Variants in NFATC2 observed in about 807,000 individuals in gnomAD.
NFATC2 encodes nuclear factor of activated T cells 2.
In NFATC2, 22 loss-of-function variants were observed where a neutral mutation model predicts 87.3. The observed-to-expected ratio is 0.25, with a 90% CI of 0.18 to 0.36. The LOEUF is 0.36. Among genes scored for constraint, NFATC2 ranks in the 10% least tolerant of loss-of-function variants. The probability of loss-of-function intolerance (pLI) is 1.00; values close to 1 mark genes in which losing one functional copy is unlikely to be tolerated. For synonymous variants in NFATC2, 565 were observed against 542.2 expected (o/e 1.04, Z -0.58); for missense variants, 1,149 against 1,259.1 (o/e 0.91, Z 1.32).
chr20:51,522,262 G>A (rs1600939265), intron 2 of NFATC2, among the ~76,000 whole-genome samples: 2 of 144,860 alleles, frequency 1.4e-5, no homozygotes, highest in Non-Finnish European at 3.0e-5. Flanking sequence ...AGACCACAAA[G>A]GTGCTCAGTA....
chr20:51,440,012 G>A (rs1004148834), intron 6 of NFATC2, among the ~76,000 whole-genome samples: 16 of 152,280 alleles, frequency 1.1e-4, no homozygotes, highest in South Asian at 2.1e-4. Flanking sequence ...CAAGGCGGGC[G>A]GATCACCTGA....
intron 1 of NFATC2, among the ~76,000 whole-genome samples, chr20:51,527,561 C>T (rs1175315697): frequency 1.3e-5 from 2 of 152,142 alleles, no homozygotes; most frequent in Non-Finnish European, 2.9e-5. Flanking sequence ...TCCGCCATGC[C>T]CCTAAGCACT....
intron 5 of NFATC2, among the ~76,000 whole-genome samples, chr20:51,467,072 CAA>C (rs35588474): frequency 7.7e-4 from 61 of 79,692 alleles, no homozygotes; most frequent in African/African-American, 2.1e-3. Flanking sequence ...GACTTAGTCT[CAA>C]AAAAAAAAAA....
At chr20:51,558,083 G>A (rs1284824781) in intron 1 of NFATC2, among the ~76,000 whole-genome samples, 2 of 152,166 alleles carry the variant, frequency 1.3e-5, no homozygotes, top group Non-Finnish European at 2.9e-5. Context: ...GCTCATGCCT[G>A]TAAACTCAGC....
intron 9 of NFATC2, among the ~76,000 whole-genome samples, chr20:51,423,813 G>C (rs1981337284): frequency 6.6e-6 from 1 of 152,192 alleles, no homozygotes; most frequent in African/African-American, 2.4e-5. Context: ...TGCGTGGACA[G>C]CAAGTCTGGG....
At chr20:51,548,443 G>A (rs1225109696) in intron 1 of NFATC2, among the ~76,000 whole-genome samples, 2 of 152,026 alleles carry the variant, frequency 1.3e-5, no homozygotes, top group Non-Finnish European at 2.9e-5. Context: ...TCCCCACAAG[G>A]GCAGGGATAT....
intron 9 of NFATC2, 28 bp from the exon 10 acceptor site, chr20:51,398,758 G>GAGAA (rs1394384518): frequency 6.8e-7 from 1 of 1,476,486 alleles, no homozygotes; most frequent in Non-Finnish European, 9.3e-7. Context: ...AATCATTTTT[G>GAGAA]AGAAGAAAAA....
Position 51,523,299 on chromosome 20 carries a change from C to G in NFATC2, c.942G>C (p.Ser314=). 6.2e-7 allele frequency: 1 copy of G among 1,613,782 alleles called. No individual in the cohort carries two copies. The highest frequency in any genetic ancestry group is 8.5e-7 in the Non-Finnish European group (1 of 1,179,834). Residue 314 remains serine, a synonymous_variant, in exon 2 of 11, where the codon TCG becomes TCC. Transcript: ENST00000371564. The surrounding 1 kb of genome is among the most constrained non-coding windows in gnomAD (Gnocchi z 6.9). ...MDALNSLATD[S]PCGIPPKMWK... ...ACATCTTGGGGGGGATCCCACAAGG[C>G]GAGTCCGTGGCGAGGCTGTTCAGGG...
At chr20:51,413,942 A>G (rs562938229) in intron 9 of NFATC2, among the ~76,000 whole-genome samples, 1 of 152,342 alleles carries the variant, frequency 6.6e-6, no homozygotes, top group South Asian at 2.1e-4. Context: ...AAGTCTTAGA[A>G]GAATGTCTGG....
chr20:51,534,469 G>A (rs940154235), intron 1 of NFATC2, among the ~76,000 whole-genome samples: 7 of 152,294 alleles, frequency 4.6e-5, no homozygotes, highest in African/African-American at 1.4e-4. Context: ...CTAGTAGCTG[G>A]AATTACAGGT....
Position 51,396,514 on chromosome 20 carries a change from C to T in NFATC2, c.*44+2129G>A, listed in dbSNP as rs114546420. Among the ~76,000 whole-genome samples the T allele has an allele frequency of 3.6e-3, 548 of 152,266 alleles. 1 individual carries two copies. The highest frequency in any genetic ancestry group is 0.013 in the African/African-American group (530 of 41,548). On this transcript the variant is annotated intron_variant, in intron 10 of 10. Coordinates refer to ENST00000371564, the MANE Select transcript of NFATC2 (RefSeq NM_012340.5). The stretch of plus-strand genomic sequence containing the variant: ...AACGGATAGGCTGGGTCCTGCTTCT[C>T]GCTCAAACCTCAAGCATGTTTTCCA...
At chr20:51,474,608 G>A (rs891701669) in intron 4 of NFATC2, among the ~76,000 whole-genome samples, 6 of 152,192 alleles carry the variant, frequency 3.9e-5, no homozygotes, top group Admixed American at 1.3e-4. Context: ...AGGAAAAAAC[G>A]GAGAGGTGGG....
chr20:51,395,305 C>CTGTT (rs1986894998), intron 10 of NFATC2, among the ~76,000 whole-genome samples: 1 of 149,148 alleles, frequency 6.7e-6, no homozygotes, highest in African/African-American at 2.6e-5. Context: ...AACTCAGAGC[C>CTGTT]TATTTAATTA....
intron 5 of NFATC2, among the ~76,000 whole-genome samples, chr20:51,464,298 G>A (rs1233389699): frequency 2.6e-5 from 4 of 152,256 alleles, no homozygotes; most frequent in South Asian, 2.1e-4. Flanking sequence ...GGCACTTACT[G>A]TGTGAGACAC....
At position 51,540,647 on chromosome 20, in the gene NFATC2, G is replaced by GTTTTTTT. The variant is rs375172598; in HGVS notation, c.130+1716_130+1722dup. Among the ~76,000 whole-genome samples the GTTTTTTT allele has an allele frequency of 6.1e-4, 69 of 112,932 alleles. 12 individuals are homozygous for GTTTTTTT. The highest frequency in any genetic ancestry group is 2.5e-3 in the East Asian group (10 of 3,980). 74.1% of individuals were successfully genotyped at this position (112,932 alleles called of 152,430 possible). Reference sequence around the variant, plus strand: ...ATCTGAAACTGTTCCAAAAACTGAAGTTTTTTTTTTGTTTTTTTTTTTTTG... The same window carrying GTTTTTTT: ...ATCTGAAACTGTTCCAAAAACTGAAGTTTTTTTTTTTTTTTTTGTTTTTTTTTTTTTG... On this transcript the variant is annotated intron_variant, in intron 1 of 10. Coordinates refer to ENST00000371564, the MANE Select transcript of NFATC2 (RefSeq NM_012340.5).
At chr20:51,437,788 C>T (rs1983781455) in intron 6 of NFATC2, among the ~76,000 whole-genome samples, 1 of 152,166 alleles carries the variant, frequency 6.6e-6, no homozygotes, top group Non-Finnish European at 1.5e-5. Context: ...ACTCTAGTGT[C>T]CCTTGGTCCC....
rs545179796 is a variant in NFATC2 at position 51,417,317 on chromosome 20, C to G, written c.2722+14750G>C. On this transcript the variant is annotated intron_variant, in intron 9 of 10. Transcript: ENST00000371564. ...TCCACCTGCCAGTAGCTTCCCCTTC[C>G]TCCCAAAATAAAATCCATAGCTCTC... 2.0e-5 allele frequency among the ~76,000 whole-genome samples: 3 copies of G among 152,272 alleles called. No individual in the cohort carries two copies. The South Asian group carries it at 6.2e-4, about 32-fold the overall frequency.
Position 51,562,502 on chromosome 20 carries a change from C to G in NFATC2, c.70+58G>C. 6.9e-7 allele frequency: 1 copy of G among 1,447,446 alleles called. No individual in the cohort carries two copies. Among genetic ancestry groups the G allele is most frequent in the Admixed American group, 2.0e-5 (1 of 49,980 alleles). 89.7% of individuals were successfully genotyped at this position (1,447,446 alleles called of 1,614,324 possible). A position where few individuals can be genotyped will look rare whatever the true frequency, so the allele number is the denominator to read the frequency against. On this transcript the variant is annotated intron_variant, in intron 1 of 10. Coordinates refer to the NFATC2 transcript ENST00000414705. This position sits in a 1 kb window ranked among gnomAD's most constrained non-coding sequence, Gnocchi z 5.8. ...AAAGTGCTGCCCGGGACGGGAGCAGCAGGAAAGGGCCGGGAGGAGCGAGCG... is the reference window on the plus strand; with the variant it reads ...AAAGTGCTGCCCGGGACGGGAGCAGGAGGAAAGGGCCGGGAGGAGCGAGCG...
rs1376723919 is a variant in NFATC2 at position 51,390,894 on chromosome 20, G to GGTTT, written c.*598_*601dup. 1 of 208,772 alleles carries GGTTT rather than the reference G, an allele frequency of 4.8e-6. No homozygotes were observed. The highest frequency in any genetic ancestry group is 9.9e-6 in the Non-Finnish European group (1 of 100,786). 12.9% of individuals were successfully genotyped at this position (208,772 alleles called of 1,614,324 possible). On this transcript the variant is annotated 3_prime_UTR_variant, in exon 11 of 11. Coordinates refer to ENST00000371564, the MANE Select transcript of NFATC2 (RefSeq NM_012340.5). ...GTTTCTGTCTCTATCGAGGGTTTTG[G>GGTTT]GTTTCTTCAGCCTGTAAGCTGGGCT...
Sources: gnomAD v4.1 joint callset for allele counts (sites outside exome capture counted in the v4.1 genomes callset) on GRCh38, gnomAD v4.1.1 for gene constraint, Gnocchi (gnomAD v3.1) non-coding constraint, MANE v1.5 for transcripts, NCBI Gene and HGNC (gene_info 2026-07-23, HGNC 2026-07-21) for gene names.